Variants in XRCC2 observed in about 807,000 individuals in gnomAD.
XRCC2 encodes DNA repair protein XRCC2.
In XRCC2, 24 loss-of-function variants were observed where a neutral mutation model predicts 27.3. That is an observed-to-expected ratio of 0.88 (90% CI 0.64 to 1.24). The LOEUF is 1.24. XRCC2 is among the 50% of genes most tolerant of loss of function. The probability of loss-of-function intolerance (pLI) is 0.00; values close to 1 mark genes in which losing one functional copy is unlikely to be tolerated. For missense variants in XRCC2, 321 were observed against 325.8 expected (o/e 0.99, Z 0.11); for synonymous variants, 106 against 115.4 (o/e 0.92, Z 0.52).
At chr7:152,650,662 G>A (rs1003535551) in intron 2 of XRCC2, among the ~76,000 whole-genome samples, 8 of 152,234 alleles carry the variant, frequency 5.3e-5, no homozygotes, top group Admixed American at 1.3e-4. Flanking sequence ...AGGCAGAGGC[G>A]GGAGGATCAC....
rs1046631077 is a variant in XRCC2, at chr7:152,649,204, G to T, written c.281C>A (p.Thr94Lys). ...DYHFDMLRLV[T>K]ILEHRLSQSS... ...TTGGGATAGTCTGTGCTCAAGAATT[G>T]TAACTAGCCGGAGCATATCAAAGTG... Residue 94 changes from threonine to lysine, a missense_variant, in exon 3 of 3, where the codon ACA becomes AAA. Transcript: ENST00000359321. The T allele has an allele frequency of 1.9e-6, 3 of 1,613,814 alleles. No individual in the cohort carries two copies. The highest frequency in any genetic ancestry group is 1.3e-5 in the African/African-American group (1 of 75,046).
chr7:152,660,789 AAAG>A lies in XRCC2; in HGVS notation c.40-10_40-8del, dbSNP rs1339890191. 7 of 1,600,286 alleles carry A rather than the reference AAAG, an allele frequency of 4.4e-6. No homozygotes were observed. Among genetic ancestry groups the A allele is most frequent in the Non-Finnish European group, 6.0e-6 (7 of 1,173,130 alleles). On this transcript the variant is annotated splice_region_variant and splice_polypyrimidine_tract_variant and intron_variant, in intron 1 of 2. Transcript: ENST00000359321. The stretch of plus-strand genomic sequence containing the variant: ...CTTCAAGTCGGGCAAGGAGCTTATA[AAAG>A]AAGAGAGAAGGAAAACTCATTATTT...
chr7:152,669,856 G>A (rs1336256928), intron 1 of XRCC2, among the ~76,000 whole-genome samples: 6 of 151,854 alleles, frequency 4.0e-5, no homozygotes, highest in Admixed American at 1.3e-4. Context: ...CCAGCACTTC[G>A]GGAGGCCGAG....
At chr7:152,670,377 A>G (rs1026776666) in intron 1 of XRCC2, among the ~76,000 whole-genome samples, 2 of 152,218 alleles carry the variant, frequency 1.3e-5, no homozygotes, top group African/African-American at 4.8e-5. Context: ...GCTGCCTAGT[A>G]AACTACAGGC....
intron 2 of XRCC2, among the ~76,000 whole-genome samples, chr7:152,654,981 A>G (rs2098030121): frequency 6.6e-6 from 1 of 152,178 alleles, no homozygotes; most frequent in South Asian, 2.1e-4. Context: ...ATCAAATATT[A>G]TGTCCTACAG....
chr7:152,649,219 A>G lies in XRCC2; in HGVS notation c.266T>C (p.Met89Thr). The G allele has an allele frequency of 1.9e-6, 3 of 1,613,952 alleles. No individual in the cohort carries two copies. Among genetic ancestry groups the G allele is most frequent in the Non-Finnish European group, 2.5e-6 (3 of 1,180,034 alleles). The change falls in exon 3 of 3, where the codon ATG becomes ACG. Residue 89 changes from methionine (M) to threonine (T), a missense_variant. Physicochemically the swap from Met to Thr is moderately conservative, Grantham distance 81. Coordinates refer to ENST00000359321, the MANE Select transcript of XRCC2 (RefSeq NM_005431.2). ...LFIDTDYHFD[M>T]LRLVTILEHR... is the part of the protein sequence containing the mutation. ...CTCAAGAATTGTAACTAGCCGGAGCATATCAAAGTGGTAATCTGTATCAAT... is the reference window on the plus strand; with the variant it reads ...CTCAAGAATTGTAACTAGCCGGAGCGTATCAAAGTGGTAATCTGTATCAAT...
chr7:152,648,840 T>C lies in XRCC2; in HGVS notation c.645A>G (p.Arg215=). Reference sequence around the variant, plus strand: ...TGTAGTCTATGTCCACATCACACAGTCGTCGAGAGGCATGAGAAGGTTCTT... The same window carrying C: ...TGTAGTCTATGTCCACATCACACAGCCGTCGAGAGGCATGAGAAGGTTCTT... ...SSEEPSHASR[R]LCDVDIDYRP... Residue 215 remains arginine, a synonymous_variant, in exon 3 of 3, where the codon CGA becomes CGG. Transcript: ENST00000359321. 1 of 1,613,900 alleles carries C rather than the reference T, an allele frequency of 6.2e-7. No individual in the cohort carries two copies. Among genetic ancestry groups the C allele is most frequent in the South Asian group, 1.1e-5 (1 of 91,076 alleles).
intron 1 of XRCC2, among the ~76,000 whole-genome samples, chr7:152,673,275 C>A (rs1480449263): frequency 6.6e-6 from 1 of 152,046 alleles, no homozygotes; most frequent in Admixed American, 6.6e-5. Context: ...CCCCGCCTCC[C>A]GGGTTCAAGC....
chr7:152,659,724 A>C (rs2098032247), intron 2 of XRCC2, among the ~76,000 whole-genome samples: 1 of 147,088 alleles, frequency 6.8e-6, no homozygotes, highest in Non-Finnish European at 1.5e-5. Flanking sequence ...CTCCTTTGGA[A>C]AACAGTCTGG....
At chr7:152,666,935 T>A (rs2098036011) in intron 1 of XRCC2, among the ~76,000 whole-genome samples, 2 of 152,082 alleles carry the variant, frequency 1.3e-5, no homozygotes, top group Admixed American at 1.3e-4. Context: ...GAGACTTTCA[T>A]GGACAAGAAA....
intron 1 of XRCC2, among the ~76,000 whole-genome samples, chr7:152,675,721 G>A (rs902479141): frequency 6.6e-6 from 1 of 152,180 alleles, no homozygotes; most frequent in Non-Finnish European, 1.5e-5. Flanking sequence ...GGGGTTTTTA[G>A]ACCATAACTC....
rs1590134314 is a variant in XRCC2, at chr7:152,660,750, C to T, written c.72G>A (p.Leu24=). 6.2e-7 allele frequency: 1 copy of T among 1,613,500 alleles called. No homozygotes were observed. Among genetic ancestry groups the T allele is most frequent in the Admixed American group, 1.7e-5 (1 of 59,994 alleles). The change falls in exon 2 of 3, where the codon TTG becomes TTA. Residue 24 remains leucine (L), a synonymous_variant. Coordinates refer to ENST00000359321, the MANE Select transcript of XRCC2 (RefSeq NM_005431.2). Reference sequence around the variant, plus strand: ...CAAACAGATTTGGTTCTATTTCTTTCAAGGAACTTCTACCTTCAAGTCGGG... The same window carrying T: ...CAAACAGATTTGGTTCTATTTCTTTTAAGGAACTTCTACCTTCAAGTCGGG... The part of the protein sequence containing the change: ...LLARLEGRSS[L]KEIEPNLFAD...
rs1554410140 is a variant in XRCC2 at position 152,646,301 on chromosome 7, G to GGGGTGTGTGTGTGTGTGTGTGT, written c.*2340_*2341insACACACACACACACACACACCC. ...GCCACGTATTCTAAGTCTGTGAGAG[G>GGGGTGTGTGTGTGTGTGTGTGT]GTGTGTGTGTGTGTGTGTGTGTGTG... On this transcript the variant is annotated 3_prime_UTR_variant, in exon 3 of 3. Transcript: ENST00000359321. The GGGGTGTGTGTGTGTGTGTGTGT allele has an allele frequency of 2.7e-5, 4 of 149,184 alleles. No homozygotes were observed. The highest frequency in any genetic ancestry group is 1.4e-4 in the Admixed American group (2 of 14,708). 9.2% of individuals were successfully genotyped at this position (149,184 alleles called of 1,614,324 possible).
intron 2 of XRCC2, among the ~76,000 whole-genome samples, chr7:152,658,739 G>T (rs935465978): frequency 6.6e-6 from 1 of 152,130 alleles, no homozygotes; most frequent in East Asian, 1.9e-4. Flanking sequence ...GTTCATCCAC[G>T]TTGTAGCACG....
At chr7:152,668,427 A>C (rs1029966634) in intron 1 of XRCC2, among the ~76,000 whole-genome samples, 5 of 152,180 alleles carry the variant, frequency 3.3e-5, no homozygotes, top group Non-Finnish European at 7.3e-5. Context: ...ACATAGGCCT[A>C]TTACAGAAAA....
chr7:152,663,369 A>AAAAAAAAAAAAC, intron 1 of XRCC2, among the ~76,000 whole-genome samples: 1 of 142,754 alleles, frequency 7.0e-6, no homozygotes, highest in Non-Finnish European at 1.5e-5. Context: ...AAAAAAAAAA[A>AAAAAAAAAAAAC]AAAAGACTGC....
At chr7:152,674,429 C>T (rs1447128642) in intron 1 of XRCC2, among the ~76,000 whole-genome samples, 13 of 151,776 alleles carry the variant, frequency 8.6e-5, no homozygotes, top group African/African-American at 2.9e-4. Context: ...CTCGCCAACA[C>T]GGCGAAACCC....
chr7:152,662,691 G>C (rs1419092431), intron 1 of XRCC2, among the ~76,000 whole-genome samples: 1 of 143,144 alleles, frequency 7.0e-6, no homozygotes, highest in Admixed American at 7.2e-5. Context: ...TCCTGCCTCA[G>C]CCTCCCAAGT....
At position 152,645,280 on chromosome 7, in the gene XRCC2, T is replaced by G. The variant is rs146715543; in HGVS notation, c.*3362A>C. On this transcript the variant is annotated 3_prime_UTR_variant, in exon 3 of 3. Transcript: ENST00000359321. ...AAATTCCATTTTCTTTTTTAAAATT[T>G]ATTTTTATAGAGACAGGGTCTTACA... The G allele has an allele frequency of 2.1e-4, 32 of 152,138 alleles. No individual in the cohort carries two copies. The highest frequency in any genetic ancestry group is 7.2e-4 in the African/African-American group (30 of 41,568). The allele number at this position is 152,138 out of a possible 1,614,324, so 9.4% of individuals were successfully genotyped here. A position where few individuals can be genotyped will look rare whatever the true frequency, so the allele number is the denominator to read the frequency against.
Sources: gnomAD v4.1 joint callset for allele counts (sites outside exome capture counted in the v4.1 genomes callset) on GRCh38, gnomAD v4.1.1 for gene constraint, MANE v1.5 for transcripts, NCBI Gene and HGNC (gene_info 2026-07-23, HGNC 2026-07-21) for gene names.